The following MAVS variants were observed in gnomAD, a reference collection of about 807,000 sequenced individuals.
MAVS encodes mitochondrial antiviral-signaling protein.
Under a neutral mutation model 30.2 loss-of-function variants are expected in MAVS, and 20 were observed. The ratio of observed to expected loss-of-function variants is 0.66; its 90% CI spans 0.47 to 0.96. The LOEUF is 0.96. MAVS is among the 40% of genes least tolerant of loss of function. The probability of loss-of-function intolerance (pLI) is 0.00; values close to 1 mark genes in which losing one functional copy is unlikely to be tolerated. For missense variants in MAVS, 624 were observed against 701.1 expected (o/e 0.89, Z 1.24); for synonymous variants, 278 against 293.9 (o/e 0.95, Z 0.55).
intron 5 of MAVS, among the ~76,000 whole-genome samples, chr20:3,863,978 C>T (rs1266416766): frequency 2.6e-5 from 4 of 152,090 alleles, no homozygotes; most frequent in Non-Finnish European, 5.9e-5. Context: ...GAGGAAAAAG[C>T]GGAGAGAATA....
chr20:3,857,940 C>A, intron 3 of MAVS, 131 bp downstream of exon 3: 1 of 1,058,624 alleles, frequency 9.4e-7, no homozygotes, highest in Non-Finnish European at 1.4e-6. Flanking sequence ...GATGAATAAA[C>A]CTGGGTGTAG....
intron 2 of MAVS, among the ~76,000 whole-genome samples, chr20:3,855,169 G>A (rs1378231926): frequency 2.0e-5 from 3 of 152,110 alleles, no homozygotes; most frequent in Admixed American, 6.6e-5. Context: ...GATTACAGGC[G>A]TGAGCCACCG....
At chr20:3,853,348 T>C (rs1600443900) in intron 1 of MAVS, among the ~76,000 whole-genome samples, 2 of 149,126 alleles carry the variant, frequency 1.3e-5, no homozygotes, top group South Asian at 4.3e-4. Flanking sequence ...TAGCCGGGCG[T>C]GGTGGCGGGC....
intron 3 of MAVS, among the ~76,000 whole-genome samples, chr20:3,860,097 G>T (rs1011843026): frequency 6.6e-6 from 1 of 152,096 alleles, no homozygotes; most frequent in Non-Finnish European, 1.5e-5. Flanking sequence ...GATTACAGGC[G>T]TGAGCCACCA....
At chr20:3,850,149 C>T (rs556567121) in intron 1 of MAVS, among the ~76,000 whole-genome samples, 15 of 151,286 alleles carry the variant, frequency 9.9e-5, no homozygotes, top group Admixed American at 4.0e-4. Flanking sequence ...TGGTAGCAGG[C>T]GCCTGTAGTC....
intron 1 of MAVS, among the ~76,000 whole-genome samples, chr20:3,851,059 G>A (rs553693457): frequency 2.6e-5 from 4 of 152,034 alleles, no homozygotes; most frequent in Non-Finnish European, 2.9e-5. Flanking sequence ...GTTGGCTGGC[G>A]CCTGTAATCC....
At position 3,874,360 on chromosome 20, in the gene MAVS, C is replaced by T; in HGVS notation, c.*8213C>T. On this transcript the variant is annotated 3_prime_UTR_variant, in exon 7 of 7. Transcript: ENST00000428216. Reference sequence around the variant, plus strand: ...CGAGTATTGTCAGTTTGTTTCCAGACTCCCTGTTGGAGATGTGGAAATAAA... The same window carrying T: ...CGAGTATTGTCAGTTTGTTTCCAGATTCCCTGTTGGAGATGTGGAAATAAA... 2.5e-6 allele frequency: 1 copy of T among 397,530 alleles called. No homozygotes were observed. The highest frequency in any genetic ancestry group is 4.4e-6 in the Non-Finnish European group (1 of 225,860). 24.6% of individuals were successfully genotyped at this position (397,530 alleles called of 1,614,324 possible).
At position 3,854,543 on chromosome 20, in the gene MAVS, T is replaced by C. The variant is rs548917849; in HGVS notation, c.-67-15T>C. On this transcript the variant is annotated splice_polypyrimidine_tract_variant and intron_variant, in intron 1 of 6. Transcript: ENST00000428216. ...CCCCCAACCCTGTTGTAATGTGTGATCTGTTTTCTTCCAGTCTCGTTTCCT... is the reference window on the plus strand; with the variant it reads ...CCCCCAACCCTGTTGTAATGTGTGACCTGTTTTCTTCCAGTCTCGTTTCCT... 3 of 887,414 alleles carry C rather than the reference T, an allele frequency of 3.4e-6. No homozygotes were observed. Among genetic ancestry groups the C allele is most frequent in the Non-Finnish European group, 5.4e-6 (3 of 558,032 alleles). The allele number at this position is 887,414 out of a possible 1,614,324, so 55.0% of individuals were successfully genotyped here. A position where few individuals can be genotyped will look rare whatever the true frequency, so the allele number is the denominator to read the frequency against.
rs1191685393 is a variant in MAVS, at chr20:3,873,427, G to A, written c.*7280G>A. The A allele has an allele frequency of 2.0e-5, 3 of 152,188 alleles. No individual in the cohort carries two copies. Among genetic ancestry groups the A allele is most frequent in the Admixed American group, 2.0e-4 (3 of 15,254 alleles). The allele number at this position is 152,188 out of a possible 1,614,324, so 9.4% of individuals were successfully genotyped here. On this transcript the variant is annotated 3_prime_UTR_variant, in exon 7 of 7. Coordinates refer to ENST00000428216, the MANE Select transcript of MAVS (RefSeq NM_020746.5). ...CGTACATCTGTAATTTCAGCCACTC[G>A]GGAGGCTGAGACAGGAGAATAGCTT...
At chr20:3,864,952 T>A (rs941970046) in intron 6 of MAVS, among the ~76,000 whole-genome samples, 164 bp downstream of exon 6, 1 of 152,250 alleles carries the variant, frequency 6.6e-6, no homozygotes, top group African/African-American at 2.4e-5. Flanking sequence ...ACCAGCCTCA[T>A]GCAGGCCCCA....
chr20:3,866,436 C>T lies in MAVS; in HGVS notation c.*289C>T. 2.1e-6 allele frequency: 1 copy of T among 476,046 alleles called. No individual in the cohort carries two copies. 29.5% of individuals were successfully genotyped at this position (476,046 alleles called of 1,614,324 possible). A position where few individuals can be genotyped will look rare whatever the true frequency, so the allele number is the denominator to read the frequency against. ...TGGCAATCCAGGTTATCATCCATGTCCTCCAGAGGAGCTTCCTCCTCCAGG... is the reference window on the plus strand; with the variant it reads ...TGGCAATCCAGGTTATCATCCATGTTCTCCAGAGGAGCTTCCTCCTCCAGG... On this transcript the variant is annotated 3_prime_UTR_variant, in exon 7 of 7. Coordinates refer to ENST00000428216, the MANE Select transcript of MAVS (RefSeq NM_020746.5).
Position 3,873,879 on chromosome 20 carries a change from A to T in MAVS, c.*7732A>T. The T allele has an allele frequency of 2.6e-6, 1 of 380,954 alleles. No individual in the cohort carries two copies. The highest frequency in any genetic ancestry group is 4.6e-6 in the Non-Finnish European group (1 of 216,824). 23.6% of individuals were successfully genotyped at this position (380,954 alleles called of 1,614,324 possible). A position where few individuals can be genotyped will look rare whatever the true frequency, so the allele number is the denominator to read the frequency against. On this transcript the variant is annotated 3_prime_UTR_variant, in exon 7 of 7. Coordinates refer to ENST00000428216, the MANE Select transcript of MAVS (RefSeq NM_020746.5). Reference sequence around the variant, plus strand: ...GCAGTATCTACCAAAAGCCGAACATACGTATAAACTGATCCAGCAGTTCCA... The same window carrying T: ...GCAGTATCTACCAAAAGCCGAACATTCGTATAAACTGATCCAGCAGTTCCA...
At position 3,864,518 on chromosome 20, in the gene MAVS, C is replaced by T. The variant is rs772141620; in HGVS notation, c.888C>T (p.Ser296=). ...AGGCACCTGCCAACTCTCTGCCCTCCAAAGTGCCTACCACCTTGATGCCTG... is the reference window on the plus strand; with the variant it reads ...AGGCACCTGCCAACTCTCTGCCCTCTAAAGTGCCTACCACCTTGATGCCTG... ...GAEAPANSLP[S]KVPTTLMPVN... is the part of the protein sequence containing the mutation. The change falls in exon 6 of 7, where the codon TCC becomes TCT. Residue 296 remains serine, a synonymous_variant. Coordinates refer to ENST00000428216, the MANE Select transcript of MAVS (RefSeq NM_020746.5). 1.3e-5 allele frequency: 21 copies of T among 1,614,020 alleles called. No individual in the cohort carries two copies. Among genetic ancestry groups the T allele is most frequent in the Non-Finnish European group, 1.7e-5 (20 of 1,180,052 alleles).
At chr20:3,862,148 C>T in intron 4 of MAVS, 106 bp from the exon 5 acceptor site, 1 of 1,325,668 alleles carries the variant, frequency 7.5e-7, no homozygotes, top group Non-Finnish European at 1.0e-6. Flanking sequence ...CTCCTGTGCT[C>T]CATGGTGTGG....
intron 3 of MAVS, among the ~76,000 whole-genome samples, chr20:3,860,654 C>T (rs1411380127): frequency 6.6e-6 from 1 of 151,658 alleles, no homozygotes; most frequent in African/African-American, 2.4e-5. Flanking sequence ...GGATTACAGG[C>T]GTGAGCCACC....
chr20:3,848,138 T>C (rs1243228609), intron 1 of MAVS, among the ~76,000 whole-genome samples: 1 of 151,570 alleles, frequency 6.6e-6, no homozygotes, highest in Non-Finnish European at 1.5e-5. Context: ...CTCACTCTCT[T>C]GCCCAGGCTG....
rs771036604 is a variant in MAVS at position 3,861,472 on chromosome 20, C to G, written c.433C>G (p.Gln145Glu). 6.2e-7 allele frequency: 1 copy of G among 1,614,110 alleles called. No homozygotes were observed. Among genetic ancestry groups the G allele is most frequent in the East Asian group, 2.2e-5 (1 of 44,878 alleles). Reference protein sequence around the residue: ...EKEPSYPMPVQETQAPESPGE... With the variant: ...EKEPSYPMPVEETQAPESPGE... The stretch of plus-strand genomic sequence containing the variant: ...GGAGCCAAGTTACCCCATGCCTGTC[C>G]AGGAGACCCAGGCGCCAGAGTCCCC... The change falls in exon 4 of 7, where the codon CAG becomes GAG. Residue 145 changes from glutamine to glutamate, a missense_variant. Physicochemically the swap from Gln to Glu is conservative, Grantham distance 29. Coordinates refer to ENST00000428216, the MANE Select transcript of MAVS (RefSeq NM_020746.5).
Position 3,862,179 on chromosome 20 carries a change from C to T in MAVS, c.466-75C>T, listed in dbSNP as rs1210054208. ...TGTGGGCTGAGGCCTATAGGAGATG[C>T]CCCAAGAGCACAAGCTGCCCTTTGT... On this transcript the variant is annotated intron_variant, in intron 4 of 6. Transcript: ENST00000428216. 2.0e-5 allele frequency: 30 copies of T among 1,537,308 alleles called. No homozygotes were observed. In the East Asian group the frequency reaches 6.6e-4, roughly 34 times the overall value.
At position 3,865,110 on chromosome 20, in the gene MAVS, A is replaced by G. The variant is rs1032525083; in HGVS notation, c.1158+322A>G. 1.3e-5 allele frequency among the ~76,000 whole-genome samples: 2 copies of G among 152,196 alleles called. No individual in the cohort carries two copies. The highest frequency in any genetic ancestry group is 4.8e-5 in the African/African-American group (2 of 41,446). Reference sequence around the variant, plus strand: ...GAAGCCGAGCGGTGCCGTTTTGCACATAAGGAAGCAGTGACGGGGACAGCA... The same window carrying G: ...GAAGCCGAGCGGTGCCGTTTTGCACGTAAGGAAGCAGTGACGGGGACAGCA... On this transcript the variant is annotated intron_variant, in intron 6 of 6. Transcript: ENST00000428216. The surrounding 1 kb of genome is among the most constrained non-coding windows in gnomAD (Gnocchi z 4.7).
Sources: allele counts gnomAD v4.1 joint callset (sites outside exome capture counted in the v4.1 genomes callset), GRCh38; gene constraint gnomAD v4.1.1; non-coding constraint Gnocchi (gnomAD v3.1); transcripts MANE v1.5; gene names NCBI Gene and HGNC (gene_info 2026-07-23, HGNC 2026-07-21).